Variants in UNC80 observed in about 807,000 individuals in gnomAD.
UNC80 encodes unc-80 subunit of NALCN channel complex, also known as protein unc-80 homolog.
UNC80 carries 164 observed loss-of-function variants against 384.6 expected under a neutral mutation model. The ratio of observed to expected loss-of-function variants is 0.43; its 90% CI spans 0.38 to 0.49. The LOEUF (loss-of-function observed/expected upper bound fraction) is 0.49, where lower values mean the gene tolerates loss of function less well. Among genes scored for constraint, UNC80 ranks in the 20% least tolerant of loss-of-function variants. The pLI, the probability that UNC80 is intolerant of heterozygous loss-of-function variation, is 0.00. For synonymous variants in UNC80, 1,486 were observed against 1,527.8 expected (o/e 0.97, Z 0.64); for missense variants, 3,330 against 4,143.0 (o/e 0.80, Z 5.39).
chr2:209,994,031 C>G, intron 63 of UNC80, 34 bp from the exon 64 acceptor site: 1 of 1,522,162 alleles, frequency 6.6e-7, no homozygotes. Flanking sequence ...TCCACCAACT[C>G]CTCCCCAATT....
chr2:209,943,295 C>A, intron 44 of UNC80, 85 bp from the exon 45 acceptor site: 1 of 1,468,938 alleles, frequency 6.8e-7, no homozygotes, highest in Non-Finnish European at 9.1e-7. Flanking sequence ...TCCCTCCAAG[C>A]TTCCCATGAC....
chr2:209,813,801 T>G lies in UNC80; in HGVS notation c.1160T>G (p.Val387Gly), dbSNP rs768506353. 4 of 1,552,156 alleles carry G rather than the reference T, an allele frequency of 2.6e-6. No homozygotes were observed. In the South Asian group the frequency reaches 4.8e-5, roughly 18 times the overall value. Residue 387 changes from valine (V) to glycine (G), a missense_variant, in exon 8 of 65, where the codon GTG becomes GGG. Coordinates refer to ENST00000673920, the MANE Select transcript of UNC80 (RefSeq NM_001371986.1). ...LLPRPRSSSM[V>G]AAAPSLVNTH... ...CCCAGACCCAGGAGTAGCTCCATGGTGGCAGCAGCTCCCTCACTAGTGAAC... is the reference window on the plus strand; with the variant it reads ...CCCAGACCCAGGAGTAGCTCCATGGGGGCAGCAGCTCCCTCACTAGTGAAC...
chr2:209,859,386 C>A (rs564358268), intron 22 of UNC80, among the ~76,000 whole-genome samples: 1 of 152,318 alleles, frequency 6.6e-6, no homozygotes, highest in Admixed American at 6.5e-5. Flanking sequence ...TGGCTACATA[C>A]TATTCCATGG....
intron 29 of UNC80, among the ~76,000 whole-genome samples, chr2:209,911,706 A>G (rs1483864894): frequency 6.6e-6 from 1 of 152,166 alleles, no homozygotes; most frequent in Admixed American, 6.5e-5. Flanking sequence ...AAAACAAATG[A>G]GCATTTATTC....
chr2:209,943,884 G>A (rs1327264724), intron 45 of UNC80, among the ~76,000 whole-genome samples: 2 of 152,142 alleles, frequency 1.3e-5, no homozygotes, highest in Non-Finnish European at 2.9e-5. Flanking sequence ...TTGTTACAGA[G>A]GTTATTGTTT....
At chr2:209,803,991 C>G (rs1043847963) in intron 7 of UNC80, among the ~76,000 whole-genome samples, 1 of 152,160 alleles carries the variant, frequency 6.6e-6, no homozygotes, top group Non-Finnish European at 1.5e-5. Context: ...CCTGCCTCAG[C>G]CTTTCACAGT....
At chr2:209,926,358 T>A (rs942616066) in intron 35 of UNC80, among the ~76,000 whole-genome samples, 1 of 152,264 alleles carries the variant, frequency 6.6e-6, no homozygotes, top group African/African-American at 2.4e-5. Context: ...TGGTTTTTTT[T>A]ATTTGTTATA....
rs746698769 is a variant in UNC80 at position 209,875,971 on chromosome 2, C to T, written c.3841-1983C>T. 7.2e-5 allele frequency among the ~76,000 whole-genome samples: 11 copies of T among 152,130 alleles called. 1 individual carries two copies. The highest frequency in any genetic ancestry group is 1.5e-4 in the Non-Finnish European group (10 of 68,014). On this transcript the variant is annotated intron_variant, in intron 23 of 64. Transcript: ENST00000673920. ...AATTCTGAGATTTTAATGCATCCAT[C>T]ATCCGAGTAGGGCACGTTGTACCCA...
chr2:209,801,866 A>G (rs921230377), intron 7 of UNC80, among the ~76,000 whole-genome samples: 74 of 152,136 alleles, frequency 4.9e-4, no homozygotes, highest in African/African-American at 1.8e-3. Flanking sequence ...AAATACTACT[A>G]TCTTGCGCTT....
At chr2:209,830,254 T>G (rs10175106) in intron 15 of UNC80, among the ~76,000 whole-genome samples, 1,925 of 152,310 alleles carry the variant, frequency 0.013, 41 homozygotes, top group African/African-American at 0.044. Context: ...TTGTTTGGTT[T>G]CACATTAAAA....
intron 27 of UNC80, 112 bp downstream of exon 27, chr2:209,894,478 C>A (rs1023647055): frequency 3.7e-6 from 2 of 545,764 alleles, no homozygotes; most frequent in African/African-American, 4.1e-5. Context: ...AGGGCAGAGC[C>A]ATAGGATAGA....
chr2:209,937,132 G>A (rs1304555745), intron 41 of UNC80, among the ~76,000 whole-genome samples, 199 bp downstream of exon 41: 1 of 152,210 alleles, frequency 6.6e-6, no homozygotes, highest in Non-Finnish European at 1.5e-5. Context: ...TGTGTAAAAT[G>A]AAGGTAATGA....
At chr2:209,870,720 T>C (rs2084222251) in intron 22 of UNC80, among the ~76,000 whole-genome samples, 1 of 152,196 alleles carries the variant, frequency 6.6e-6, no homozygotes, top group Non-Finnish European at 1.5e-5. Context: ...TTAAGACATA[T>C]ACAATGAAGA....
At chr2:209,782,060 G>C (rs2077179769) in intron 4 of UNC80, among the ~76,000 whole-genome samples, 2 of 152,034 alleles carry the variant, frequency 1.3e-5, no homozygotes, top group Admixed American at 6.6e-5. Flanking sequence ...ACCCAAGCTT[G>C]TATCATATCT....
At chr2:209,971,132 C>G (rs1029154719) in intron 54 of UNC80, among the ~76,000 whole-genome samples, 175 bp downstream of exon 54, 2 of 152,162 alleles carry the variant, frequency 1.3e-5, no homozygotes, top group Non-Finnish European at 2.9e-5. Context: ...CTAAGTTGTG[C>G]TTCTGTAATT....
Position 209,922,343 on chromosome 2 carries a change from C to T in UNC80, c.5622C>T (p.Arg1874=), listed in dbSNP as rs759269541. ...CCCACAGGAATTATTCCTTCCGCCG[C>T]GGGTCAGTCTGGTCAGTGCGTTCAG... ...STSHRNYSFR[R]GSVWSVRSAV... is the part of the protein sequence containing the mutation. Residue 1874 remains arginine (R), a synonymous_variant, in exon 35 of 65, where the codon CGC becomes CGT. Transcript: ENST00000673920. 1.6e-4 allele frequency: 247 copies of T among 1,551,718 alleles called. No homozygotes were observed. Among genetic ancestry groups the T allele is most frequent in the Non-Finnish European group, 2.0e-4 (234 of 1,146,992 alleles).
intron 12 of UNC80, 65 bp downstream of exon 12, chr2:209,819,326 A>G: frequency 1.4e-6 from 2 of 1,452,844 alleles, no homozygotes; most frequent in South Asian, 1.4e-5. Context: ...CATTTTTGCA[A>G]TGTTATATAA....
intron 40 of UNC80, 63 bp from the exon 41 acceptor site, chr2:209,936,781 T>G (rs1392177195): frequency 8.6e-7 from 1 of 1,169,404 alleles, no homozygotes; most frequent in African/African-American, 1.5e-5. Context: ...TCTGTCACCT[T>G]ACTACCTAGC....
intron 16 of UNC80, 81 bp from the exon 17 acceptor site, chr2:209,833,921 C>T (rs2081171268): frequency 2.1e-6 from 3 of 1,401,312 alleles, no homozygotes; most frequent in Non-Finnish European, 1.9e-6. Context: ...TAAGGAATTA[C>T]TTTCTTCCTC....
Sources: allele counts gnomAD v4.1 joint callset (sites outside exome capture counted in the v4.1 genomes callset), GRCh38; gene constraint gnomAD v4.1.1; transcripts MANE v1.5; gene names NCBI Gene and HGNC (gene_info 2026-07-23, HGNC 2026-07-21).